Variants in TRDN observed in about 807,000 individuals in gnomAD.
TRDN encodes triadin.
In TRDN, 161 loss-of-function variants were observed where a neutral mutation model predicts 149.7. That is an observed-to-expected ratio of 1.08 (90% CI 0.95 to 1.23). TRDN has a LOEUF of 1.23. TRDN is among the 50% of genes most tolerant of loss of function. TRDN has a pLI of 0.00. For missense variants in TRDN, 896 were observed against 823.5 expected (o/e 1.09, Z -1.08); for synonymous variants, 294 against 250.5 (o/e 1.17, Z -1.64).
At position 123,375,639 on chromosome 6, in the gene TRDN, T is replaced by C. The variant is rs762734593; in HGVS notation, c.1247-8A>G. 29 of 1,526,032 alleles carry C rather than the reference T, an allele frequency of 1.9e-5. No individual in the cohort carries two copies. The highest frequency in any genetic ancestry group is 2.4e-5 in the Non-Finnish European group (27 of 1,134,126). The allele number at this position is 1,526,032 out of a possible 1,614,324, so 94.5% of individuals were successfully genotyped here. On this transcript the variant is annotated splice_polypyrimidine_tract_variant and splice_region_variant and intron_variant, in intron 18 of 40. Transcript: ENST00000334268. ...CTTGTTTGTCACTTGGAACTGTTAA[T>C]GACAAGAAATAATAAGGTCAACAGT... is the stretch of plus-strand genomic sequence containing the variant.
intron 2 of TRDN, among the ~76,000 whole-genome samples, chr6:123,564,747 C>T (rs1782193650): frequency 2.0e-5 from 3 of 152,186 alleles, no homozygotes; most frequent in Admixed American, 1.3e-4. Flanking sequence ...ATTCAAGTTA[C>T]ATTTAATGAG....
intron 23 of TRDN, among the ~76,000 whole-genome samples, chr6:123,326,127 C>T (rs1041078049): frequency 6.6e-6 from 1 of 151,946 alleles, no homozygotes; most frequent in African/African-American, 2.4e-5. Flanking sequence ...TAACTTTATC[C>T]TCTCCTAACA....
At chr6:123,503,264 C>G in intron 8 of TRDN, 3 of 985,260 alleles carry the variant, frequency 3.0e-6, no homozygotes, top group Non-Finnish European at 2.4e-6. Context: ...GCCAATGCAA[C>G]AGTAATGTAT....
chr6:123,512,214 T>C, intron 7 of TRDN, 89 bp downstream of exon 7: 1 of 738,460 alleles, frequency 1.4e-6, no homozygotes, highest in Non-Finnish European at 2.1e-6. Context: ...ATGATAAAAG[T>C]TTACAAATAT....
At chr6:123,356,514 T>TATATATATATATATACATATATATATAC (rs1562275940) in intron 20 of TRDN, among the ~76,000 whole-genome samples, 3 of 14,496 alleles carry the variant, frequency 2.1e-4, no homozygotes, top group African/African-American at 7.8e-4. Context: ...TATATATATA[T>TATATATATATATATACATATATATATAC]ATATATATAT....
At chr6:123,438,582 T>C (rs184028166) in intron 11 of TRDN, among the ~76,000 whole-genome samples, 3 of 152,190 alleles carry the variant, frequency 2.0e-5, no homozygotes, top group African/African-American at 7.2e-5. Context: ...AATCAAGTAT[T>C]TTCTGCCCTC....
In TRDN at chr6:123,295,341, G is replaced by T. The variant is rs182958090; in HGVS notation, c.1511-16259C>A. 1.1e-3 allele frequency among the ~76,000 whole-genome samples: 172 copies of T among 152,258 alleles called. 1 individual carries two copies. Among genetic ancestry groups the T allele is most frequent in the Non-Finnish European group, 1.9e-3 (128 of 68,014 alleles). On this transcript the variant is annotated intron_variant, in intron 24 of 40. Transcript: ENST00000334268. The stretch of plus-strand genomic sequence containing the variant: ...TTTGCCTATGGACTAGCGCTGCTCT[G>T]CAGGAGCAGTCACAGAGCTTAACAT...
chr6:123,566,024 A>G (rs1782277426), intron 2 of TRDN, among the ~76,000 whole-genome samples: 2 of 152,210 alleles, frequency 1.3e-5, no homozygotes, highest in Admixed American at 1.3e-4. Context: ...ATCAGCTACC[A>G]TGAATTCATA....
chr6:123,605,725 C>G (rs1165712546), intron 1 of TRDN, among the ~76,000 whole-genome samples: 1 of 152,092 alleles, frequency 6.6e-6, no homozygotes, highest in Non-Finnish European at 1.5e-5. Context: ...GATTGTGCCA[C>G]TGTACTCTAG....
rs187149797 is a variant in TRDN at position 123,518,126 on chromosome 6, C to A, written c.485-1920G>T. Among the ~76,000 whole-genome samples, 1,018 of 152,146 alleles carry A rather than the reference C, an allele frequency of 6.7e-3. 4 individuals carry two copies. Among genetic ancestry groups the A allele is most frequent in the Middle Eastern group, 0.01 (3 of 294 alleles). ...ACTGCTTGCTTCCAATTATGTGAAACTTTTGACAATTTATTGAAATTTCTC... is the reference window on the plus strand; with the variant it reads ...ACTGCTTGCTTCCAATTATGTGAAAATTTTGACAATTTATTGAAATTTCTC... On this transcript the variant is annotated intron_variant, in intron 5 of 40. Transcript: ENST00000334268.
chr6:123,464,792 A>G (rs1422547302), intron 10 of TRDN, 114 bp downstream of exon 10: 6 of 1,494,148 alleles, frequency 4.0e-6, no homozygotes, highest in Non-Finnish European at 5.3e-6. Context: ...TACTAAAAGT[A>G]TTTAAGAAAA....
intron 13 of TRDN, among the ~76,000 whole-genome samples, chr6:123,393,199 A>G (rs958710900): frequency 2.6e-5 from 4 of 152,102 alleles, no homozygotes; most frequent in African/African-American, 9.7e-5. Context: ...CCATTTTTAC[A>G]GTTTTGATGT....
intron 13 of TRDN, among the ~76,000 whole-genome samples, chr6:123,391,916 A>T (rs1227690557): frequency 6.6e-6 from 1 of 152,080 alleles, no homozygotes; most frequent in Non-Finnish European, 1.5e-5. Flanking sequence ...TATATGCATA[A>T]TTTAATTATA....
At chr6:123,414,009 C>T (rs991143235) in intron 12 of TRDN, among the ~76,000 whole-genome samples, 2 of 152,084 alleles carry the variant, frequency 1.3e-5, no homozygotes, top group African/African-American at 4.8e-5. Context: ...CATTTTCTTA[C>T]CTTTTAATCA....
chr6:123,570,025 C>T (rs1782481940), intron 2 of TRDN, among the ~76,000 whole-genome samples: 1 of 152,158 alleles, frequency 6.6e-6, no homozygotes, highest in African/African-American at 2.4e-5. Context: ...AAAGAATACA[C>T]ATTTGATTGC....
At position 123,298,431 on chromosome 6, in the gene TRDN, T is replaced by G. The variant is rs115489381; in HGVS notation, c.1510+18026A>C. Among the ~76,000 whole-genome samples, 1,069 of 152,180 alleles carry G rather than the reference T, an allele frequency of 7.0e-3. 16 individuals are homozygous for G. The highest frequency in any genetic ancestry group is 0.025 in the African/African-American group (1,036 of 41,562). On this transcript the variant is annotated intron_variant, in intron 24 of 40. Transcript: ENST00000334268. ...TTCATCTTTCTCTGGAAGCCTTTCCTGACCTCCTTCCACCAAGGGTTAGAG... is the reference window on the plus strand; with the variant it reads ...TTCATCTTTCTCTGGAAGCCTTTCCGGACCTCCTTCCACCAAGGGTTAGAG...
chr6:123,453,859 C>T (rs978362870), intron 10 of TRDN, among the ~76,000 whole-genome samples: 1 of 151,692 alleles, frequency 6.6e-6, no homozygotes, highest in African/African-American at 2.4e-5. Flanking sequence ...AACCAAATGC[C>T]CATCAGTCAA....
At chr6:123,386,376 C>T (rs925040004) in intron 14 of TRDN, among the ~76,000 whole-genome samples, 2 of 152,120 alleles carry the variant, frequency 1.3e-5, no homozygotes, top group African/African-American at 2.4e-5. Flanking sequence ...CAAGATGCCA[C>T]ATTGTATATG....
chr6:123,630,951 G>C lies in TRDN; in HGVS notation c.22+5803C>G, dbSNP rs544305531. Among the ~76,000 whole-genome samples, 46 of 152,026 alleles carry C rather than the reference G, an allele frequency of 3.0e-4. 1 individual carries two copies. The highest frequency in any genetic ancestry group is 6.8e-3 in the Middle Eastern group (2 of 294). ...CATCCTCCCCAGACCAAGAGTGGTT[G>C]AGTAGTGGAGATAGTGCCTGAACCC... On this transcript the variant is annotated intron_variant, in intron 1 of 40. Coordinates refer to ENST00000334268, the MANE Select transcript of TRDN (RefSeq NM_006073.4).
Sources: gnomAD v4.1 joint callset for allele counts (sites outside exome capture counted in the v4.1 genomes callset) on GRCh38, gnomAD v4.1.1 for gene constraint, MANE v1.5 for transcripts, NCBI Gene and HGNC (gene_info 2026-07-23, HGNC 2026-07-21) for gene names.